CAMK2D: variants seen among roughly 807,000 people sequenced by gnomAD.
CAMK2D encodes calcium/calmodulin dependent protein kinase II delta, also known as calcium/calmodulin-dependent protein kinase type II subunit delta.
Under a neutral mutation model 84.0 loss-of-function variants are expected in CAMK2D, and 37 were observed. The observed-to-expected ratio is 0.44, with a 90% CI of 0.34 to 0.58. The LOEUF (loss-of-function observed/expected upper bound fraction) is 0.58. Among genes scored for constraint, CAMK2D ranks in the 20% least tolerant of loss-of-function variants. CAMK2D has a pLI of 0.02. For synonymous variants in CAMK2D, 202 were observed against 212.5 expected (o/e 0.95, Z 0.43); for missense variants, 448 against 652.5 (o/e 0.69, Z 3.41).
chr4:113,747,671 A>T (rs1337411091), intron 2 of CAMK2D, among the ~76,000 whole-genome samples: 2 of 152,024 alleles, frequency 1.3e-5, no homozygotes, highest in Admixed American at 6.5e-5. Flanking sequence ...CTACTTAGTC[A>T]CTCTTAATTT....
intron 8 of CAMK2D, among the ~76,000 whole-genome samples, chr4:113,529,310 T>C (rs2098442694): frequency 1.3e-5 from 2 of 152,182 alleles, no homozygotes; most frequent in African/African-American, 2.4e-5. Flanking sequence ...ACAAGAAATA[T>C]AGTGAGGAAC....
intron 4 of CAMK2D, among the ~76,000 whole-genome samples, chr4:113,589,103 G>C (rs1307613890): frequency 6.6e-6 from 1 of 152,160 alleles, no homozygotes; most frequent in Admixed American, 6.6e-5. Context: ...CCCAGGCTGT[G>C]AGGTAGGCAG....
rs546444741 is a variant in CAMK2D at position 113,648,434 on chromosome 4, G to A, written c.220+13279C>T. 3.9e-5 allele frequency among the ~76,000 whole-genome samples: 6 copies of A among 152,294 alleles called. No homozygotes were observed. In the East Asian group the frequency reaches 1.2e-3, roughly 29 times the overall value. On this transcript the variant is annotated intron_variant, in intron 3 of 20. Coordinates refer to ENST00000511664, the MANE Select transcript of CAMK2D (RefSeq NM_001321571.2). Reference sequence around the variant, plus strand: ...ATGCTCTCACTATCCCATACATGTAGATGACTCAAAACATATATTCATACT... The same window carrying A: ...ATGCTCTCACTATCCCATACATGTAAATGACTCAAAACATATATTCATACT...
chr4:113,513,068 G>T, intron 12 of CAMK2D: 2 of 456,690 alleles, frequency 4.4e-6, no homozygotes, highest in Non-Finnish European at 5.8e-6. Context: ...GGCTAGTCCT[G>T]CACCAGCACT....
chr4:113,497,017 A>G (rs911812411), intron 16 of CAMK2D, among the ~76,000 whole-genome samples: 1 of 152,096 alleles, frequency 6.6e-6, no homozygotes, highest in Non-Finnish European at 1.5e-5. Context: ...GGTTAGAGCT[A>G]AATGTTGAAG....
intron 2 of CAMK2D, among the ~76,000 whole-genome samples, chr4:113,689,366 G>A (rs1053274028): frequency 1.3e-5 from 2 of 152,184 alleles, no homozygotes; most frequent in African/African-American, 4.8e-5. Context: ...GCTGTTTGAT[G>A]CTGAGAACAA....
chr4:113,626,191 G>T (rs1290151975), intron 3 of CAMK2D, among the ~76,000 whole-genome samples: 1 of 152,112 alleles, frequency 6.6e-6, no homozygotes, highest in Non-Finnish European at 1.5e-5. Flanking sequence ...TCAGTAACTG[G>T]TATACTGGAA....
intron 4 of CAMK2D, among the ~76,000 whole-genome samples, chr4:113,606,685 G>A (rs1031976413): frequency 6.6e-6 from 1 of 152,030 alleles, no homozygotes; most frequent in Non-Finnish European, 1.5e-5. Flanking sequence ...CAAAAGGAAG[G>A]GAGAAAGAAG....
intron 16 of CAMK2D, among the ~76,000 whole-genome samples, chr4:113,493,611 A>G (rs1446117475): frequency 2.6e-5 from 4 of 151,506 alleles, no homozygotes; most frequent in African/African-American, 9.7e-5. Flanking sequence ...GAATCTGACA[A>G]TTATGTGTCT....
intron 4 of CAMK2D, among the ~76,000 whole-genome samples, chr4:113,586,939 CTT>C (rs1033813485): frequency 6.6e-6 from 1 of 152,146 alleles, no homozygotes; most frequent in Non-Finnish European, 1.5e-5. Context: ...CAGAAAGTCT[CTT>C]GTTAACTTTT....
At chr4:113,512,190 C>A (rs1310970233) in intron 12 of CAMK2D, among the ~76,000 whole-genome samples, 1 of 152,164 alleles carries the variant, frequency 6.6e-6, no homozygotes, top group African/African-American at 2.4e-5. Flanking sequence ...CAGTCCTTCC[C>A]CCTACATAAG....
chr4:113,522,725 AT>A (rs1183438316), intron 8 of CAMK2D, among the ~76,000 whole-genome samples: 1 of 152,206 alleles, frequency 6.6e-6, no homozygotes, highest in Admixed American at 6.5e-5. Flanking sequence ...TGTTCTTTTG[AT>A]TATTTTAGAG....
intron 2 of CAMK2D, among the ~76,000 whole-genome samples, chr4:113,704,499 T>A (rs960737826): frequency 6.6e-6 from 1 of 152,196 alleles, no homozygotes; most frequent in South Asian, 2.1e-4. Flanking sequence ...GAAACACGTA[T>A]ATTGTAATGT....
intron 4 of CAMK2D, among the ~76,000 whole-genome samples, chr4:113,596,244 T>C (rs1259856141): frequency 2.0e-5 from 3 of 152,242 alleles, no homozygotes; most frequent in Non-Finnish European, 2.9e-5. Flanking sequence ...CTTCCAGTTA[T>C]AGTCTTCATG....
chr4:113,543,890 C>T (rs1004454864), intron 6 of CAMK2D, among the ~76,000 whole-genome samples: 1 of 152,030 alleles, frequency 6.6e-6, no homozygotes, highest in Non-Finnish European at 1.5e-5. Context: ...CTCCTGGGTT[C>T]ATGCCATTCT....
At chr4:113,641,980 A>G (rs1043309671) in intron 3 of CAMK2D, among the ~76,000 whole-genome samples, 14 of 152,204 alleles carry the variant, frequency 9.2e-5, no homozygotes, top group Admixed American at 6.5e-4. Context: ...ACTGCACTCC[A>G]GCCTGGGCAA....
chr4:113,744,569 T>C (rs2099600212), intron 2 of CAMK2D, among the ~76,000 whole-genome samples: 2 of 152,216 alleles, frequency 1.3e-5, no homozygotes, highest in Admixed American at 1.3e-4. Context: ...ACCACTATCC[T>C]AGGCCCTCTT....
At chr4:113,657,482 T>C (rs1332510310) in intron 3 of CAMK2D, among the ~76,000 whole-genome samples, 6 of 152,038 alleles carry the variant, frequency 3.9e-5, no homozygotes, top group African/African-American at 7.2e-5. Flanking sequence ...TAAAGGGGTA[T>C]GAAAATGCAC....
intron 13 of CAMK2D, among the ~76,000 whole-genome samples, chr4:113,506,078 T>C (rs2098124069): frequency 6.6e-6 from 1 of 152,174 alleles, no homozygotes; most frequent in Non-Finnish European, 1.5e-5. Context: ...TCCATGATTT[T>C]AATATAAATA....
Sources: gnomAD v4.1 joint callset for allele counts (sites outside exome capture counted in the v4.1 genomes callset) on GRCh38, gnomAD v4.1.1 for gene constraint, MANE v1.5 for transcripts, NCBI Gene and HGNC (gene_info 2026-07-23, HGNC 2026-07-21) for gene names.